Variants in CACNA1E observed in about 807,000 individuals in gnomAD.
CACNA1E encodes the protein calcium voltage-gated channel subunit alpha1 E.
A neutral mutation model predicts 259.2 loss-of-function variants in CACNA1E; 40 were observed. The observed-to-expected ratio is 0.15, with a 90% CI of 0.12 to 0.20. The LOEUF is 0.20. Among genes scored for constraint, CACNA1E ranks in the 10% least tolerant of loss-of-function variants. CACNA1E has a pLI of 1.00. For missense variants in CACNA1E, 1,874 were observed against 3,040.1 expected (o/e 0.62, Z 9.02); for synonymous variants, 1,104 against 1,138.5 (o/e 0.97, Z 0.61).
intron 25 of CACNA1E, among the ~76,000 whole-genome samples, chr1:181,746,893 G>A (rs951670002): frequency 1.3e-5 from 2 of 152,080 alleles, no homozygotes; most frequent in Non-Finnish European, 2.9e-5. Context: ...ATTATTAACC[G>A]CCTTAACTTT....
chr1:181,713,171 T>G (rs2102437194), intron 8 of CACNA1E, among the ~76,000 whole-genome samples: 1 of 152,186 alleles, frequency 6.6e-6, no homozygotes, highest in East Asian at 1.9e-4. Context: ...AGCCCTTGAG[T>G]GCTTCCCAGA....
intron 6 of CACNA1E, among the ~76,000 whole-genome samples, chr1:181,618,449 T>C (rs1216826347): frequency 6.6e-6 from 1 of 152,064 alleles, no homozygotes; most frequent in Non-Finnish European, 1.5e-5. Flanking sequence ...CCTGTAATCC[T>C]GGTCACTCGG....
At chr1:181,417,493 T>C (rs571715670) in intron 2 of CACNA1E, among the ~76,000 whole-genome samples, 2 of 152,314 alleles carry the variant, frequency 1.3e-5, no homozygotes, top group South Asian at 4.1e-4. Context: ...TGGCAAGACT[T>C]CAGCCCTGCT....
At chr1:181,454,947 C>T (rs1281420519) in intron 2 of CACNA1E, among the ~76,000 whole-genome samples, 1 of 152,156 alleles carries the variant, frequency 6.6e-6, no homozygotes, top group Non-Finnish European at 1.5e-5. Context: ...AAATCTATGC[C>T]TGTGGTTCCC....
intron 3 of CACNA1E, among the ~76,000 whole-genome samples, chr1:181,547,308 C>T (rs919778364): frequency 2.0e-5 from 3 of 152,218 alleles, no homozygotes; most frequent in African/African-American, 7.2e-5. Context: ...ACCGATGCCA[C>T]CCTAACTCCA....
At chr1:181,755,545 T>TATTATACAAG in intron 28 of CACNA1E, 148 bp downstream of exon 28, 1 of 675,632 alleles carries the variant, frequency 1.5e-6, no homozygotes, top group South Asian at 2.0e-5. Flanking sequence ...TCAATAAACT[T>TATTATACAAG]TTTACTGAGT....
At chr1:181,417,251 A>T (rs1222375693) in intron 2 of CACNA1E, among the ~76,000 whole-genome samples, 1 of 151,984 alleles carries the variant, frequency 6.6e-6, no homozygotes, top group African/African-American at 2.4e-5. Context: ...ACTCCATCAT[A>T]AGCACCAAAC....
At chr1:181,516,255 G>A (rs936690993) in intron 3 of CACNA1E, among the ~76,000 whole-genome samples, 28 of 151,690 alleles carry the variant, frequency 1.8e-4, no homozygotes, top group Non-Finnish European at 4.0e-4. Context: ...GGGGTTGGAG[G>A]GGTGGATAAG....
intron 30 of CACNA1E, among the ~76,000 whole-genome samples, chr1:181,757,551 A>AT (rs1246765675): frequency 2.0e-5 from 3 of 152,022 alleles, no homozygotes; most frequent in Admixed American, 2.0e-4. Context: ...ATTTTATTTT[A>AT]TTTTTTCGAT....
At chr1:181,737,429 T>A (rs1656145909) in intron 22 of CACNA1E, 96 bp from the exon 23 acceptor site, 2 of 1,425,284 alleles carry the variant, frequency 1.4e-6, no homozygotes, top group South Asian at 2.6e-5. Flanking sequence ...AGGGCCTGGC[T>A]GTCTGGAAGG....
chr1:181,800,947 C>T lies in CACNA1E; in HGVS notation c.*2113C>T, dbSNP rs1193148988. ...TCAGACCCTCTTTTGTCTTCATTTT[C>T]CTCTCCCACTTAGCACATGTGTGCT... On this transcript the variant is annotated 3_prime_UTR_variant, in exon 48 of 48. Coordinates refer to ENST00000367573, the MANE Select transcript of CACNA1E (RefSeq NM_001205293.3). 1 of 152,674 alleles carries T rather than the reference C, an allele frequency of 6.5e-6. No individual in the cohort carries two copies. Among genetic ancestry groups the T allele is most frequent in the Non-Finnish European group, 1.5e-5 (1 of 68,064 alleles). The allele number at this position is 152,674 out of a possible 1,614,324, so 9.5% of individuals were successfully genotyped here. A position where few individuals can be genotyped will look rare whatever the true frequency, so the allele number is the denominator to read the frequency against.
At chr1:181,586,887 G>A (rs957033556) in intron 6 of CACNA1E, among the ~76,000 whole-genome samples, 9 of 152,218 alleles carry the variant, frequency 5.9e-5, no homozygotes, top group African/African-American at 1.9e-4. Flanking sequence ...TGGAAACAGC[G>A]TGGAAGAAAT....
At chr1:181,617,830 G>T (rs993309044) in intron 6 of CACNA1E, among the ~76,000 whole-genome samples, 1 of 152,234 alleles carries the variant, frequency 6.6e-6, no homozygotes, top group Admixed American at 6.5e-5. Flanking sequence ...TTAGCAAAAT[G>T]ACTCCGTTGG....
intron 18 of CACNA1E, among the ~76,000 whole-genome samples, chr1:181,730,140 T>C (rs1655329883): frequency 6.6e-6 from 1 of 152,220 alleles, no homozygotes; most frequent in Non-Finnish European, 1.5e-5. Context: ...CCCACCCTTG[T>C]GTGGGGCTCT....
In CACNA1E at chr1:181,756,250, G is replaced by A. The variant is rs1247388500; in HGVS notation, c.4127+157G>A. Reference sequence around the variant, plus strand: ...GACACAGGCAGAAAAGAGGAAGAATGAAAATTCTTCAGGCAAAAATAGAGA... The same window carrying A: ...GACACAGGCAGAAAAGAGGAAGAATAAAAATTCTTCAGGCAAAAATAGAGA... On this transcript the variant is annotated intron_variant, in intron 29 of 47. Coordinates refer to ENST00000367573, the MANE Select transcript of CACNA1E (RefSeq NM_001205293.3). Among the ~76,000 whole-genome samples the A allele has an allele frequency of 2.0e-5, 3 of 152,292 alleles. 1 individual carries two copies. The highest frequency in any genetic ancestry group is 7.2e-5 in the African/African-American group (3 of 41,568).
chr1:181,715,172 C>T (rs972308847), intron 8 of CACNA1E, among the ~76,000 whole-genome samples, 166 bp from the exon 9 acceptor site: 1 of 152,204 alleles, frequency 6.6e-6, no homozygotes, highest in African/African-American at 2.4e-5. Context: ...GCTCTCTGTG[C>T]ACCCTCTGTG....
At chr1:181,595,579 T>C (rs1653078109) in intron 6 of CACNA1E, among the ~76,000 whole-genome samples, 1 of 152,150 alleles carries the variant, frequency 6.6e-6, no homozygotes, top group South Asian at 2.1e-4. Flanking sequence ...CTGTGACAGG[T>C]TCTTTTTCCT....
intron 6 of CACNA1E, among the ~76,000 whole-genome samples, chr1:181,599,154 C>T (rs1203308710): frequency 3.9e-5 from 6 of 152,068 alleles, no homozygotes; most frequent in South Asian, 4.2e-4. Flanking sequence ...GTTGTTCCCC[C>T]CTCCCATGTG....
chr1:181,705,090 A>G (rs1170305895), intron 7 of CACNA1E, among the ~76,000 whole-genome samples: 5 of 152,242 alleles, frequency 3.3e-5, no homozygotes. Context: ...CTATGGGCTA[A>G]AACCAGTTAC....
Sources: gnomAD v4.1 joint callset for allele counts (sites outside exome capture counted in the v4.1 genomes callset) on GRCh38, gnomAD v4.1.1 for gene constraint, MANE v1.5 for transcripts, NCBI Gene and HGNC (gene_info 2026-07-23, HGNC 2026-07-21) for gene names.